Variants in SPATA21 observed in about 807,000 individuals in gnomAD.
The protein encoded by SPATA21 is spermatogenesis associated 21, also known as spermatogenesis-associated protein 21.
Under a neutral mutation model 54.8 loss-of-function variants are expected in SPATA21, and 47 were observed. That is an observed-to-expected ratio of 0.86 (90% CI 0.68 to 1.09). SPATA21 has a LOEUF of 1.09. Ranked by LOEUF, SPATA21 falls within the 50% of genes least tolerant of loss-of-function variation. The pLI is 0.00. For missense variants in SPATA21, 599 were observed against 596.4 expected (o/e 1.00, Z -0.05); for synonymous variants, 245 against 235.3 (o/e 1.04, Z -0.38).
intron 12 of SPATA21, 69 bp from the exon 13 acceptor site, chr1:16,398,891 C>T: frequency 6.6e-7 from 1 of 1,514,386 alleles, no homozygotes; most frequent in South Asian, 1.2e-5. Context: ...GTATATGAGC[C>T]ATCTGTGCGT....
intron 1 of SPATA21, among the ~76,000 whole-genome samples, chr1:16,436,783 T>TAA (rs1483202601): frequency 1.5e-5 from 2 of 136,956 alleles, no homozygotes; most frequent in African/African-American, 6.4e-5. Flanking sequence ...ATTACTAATG[T>TAA]AAACAAAAAA....
In SPATA21 at chr1:16,409,117, C is replaced by T. The variant is rs1259190293; in HGVS notation, c.673+1G>A. 1 of 1,614,132 alleles carries T rather than the reference C, an allele frequency of 6.2e-7. No individual in the cohort carries two copies. Among genetic ancestry groups the T allele is most frequent in the Non-Finnish European group, 8.5e-7 (1 of 1,179,988 alleles). Reference sequence around the variant, plus strand: ...GACCTCCCTGACCTCCCTGCCCTCACCTTCCTCTTGCTTCAGGGTCAGTTG... The same window carrying T: ...GACCTCCCTGACCTCCCTGCCCTCATCTTCCTCTTGCTTCAGGGTCAGTTG... On this transcript the variant is annotated splice_donor_variant, in intron 7 of 12. Transcript: ENST00000335496. LOFTEE classifies it high-confidence loss of function. This position sits in a 1 kb window ranked among gnomAD's most constrained non-coding sequence, Gnocchi z 4.1.
chr1:16,421,979 C>T lies in SPATA21; in HGVS notation c.35-8G>A. The T allele has an allele frequency of 6.2e-7, 1 of 1,614,202 alleles. No individual in the cohort carries two copies. Among genetic ancestry groups the T allele is most frequent in the Non-Finnish European group, 8.5e-7 (1 of 1,180,032 alleles). ...GGTTGACTGTCTTTTCCTCTGGAGC[C>T]ACGACGGACATTGGGGGCATTGCTT... On this transcript the variant is annotated splice_region_variant and splice_polypyrimidine_tract_variant and intron_variant, in intron 3 of 12. Coordinates refer to ENST00000335496, the MANE Select transcript of SPATA21 (RefSeq NM_198546.1). The surrounding 1 kb of genome is among the most constrained non-coding windows in gnomAD (Gnocchi z 5.2).
At chr1:16,414,450 CCA>C (rs769387656) in intron 5 of SPATA21, among the ~76,000 whole-genome samples, 5 of 152,166 alleles carry the variant, frequency 3.3e-5, no homozygotes, top group Non-Finnish European at 5.9e-5. Context: ...CATGAAATCC[CCA>C]GTTTCACAAC....
At chr1:16,436,815 C>T (rs2086598108) in intron 1 of SPATA21, among the ~76,000 whole-genome samples, 1 of 151,466 alleles carries the variant, frequency 6.6e-6, no homozygotes, top group African/African-American at 2.4e-5. Context: ...AAACAAAAAC[C>T]TTAGTCATGT....
chr1:16,406,836 A>C (rs2085657580), intron 7 of SPATA21, among the ~76,000 whole-genome samples: 1 of 152,214 alleles, frequency 6.6e-6, no homozygotes, highest in Admixed American at 6.5e-5. Flanking sequence ...GGACAGTGAG[A>C]AGACAGCTGT....
chr1:16,407,109 TA>T (rs2085667435), intron 7 of SPATA21, among the ~76,000 whole-genome samples: 1 of 152,192 alleles, frequency 6.6e-6, no homozygotes, highest in South Asian at 2.1e-4. Context: ...TGGCACACAA[TA>T]GCCTCTGTTA....
At chr1:16,434,311 A>G (rs1173991097) in intron 1 of SPATA21, among the ~76,000 whole-genome samples, 1 of 147,068 alleles carries the variant, frequency 6.8e-6, no homozygotes, top group African/African-American at 2.5e-5. Context: ...TTTGAGACAG[A>G]GTTTTGCTCT....
intron 5 of SPATA21, among the ~76,000 whole-genome samples, chr1:16,419,365 G>C (rs755914561): frequency 2.0e-5 from 3 of 152,162 alleles, no homozygotes; most frequent in Non-Finnish European, 4.4e-5. Flanking sequence ...AGAAGATGAG[G>C]CTTGGACTAG....
At chr1:16,417,276 T>C (rs1382874189) in intron 5 of SPATA21, among the ~76,000 whole-genome samples, 3 of 152,108 alleles carry the variant, frequency 2.0e-5, no homozygotes, top group African/African-American at 7.2e-5. Context: ...CTTTTTTCTT[T>C]TGAGACGGAG....
intron 1 of SPATA21, among the ~76,000 whole-genome samples, chr1:16,433,880 C>T (rs920112941): frequency 6.6e-6 from 1 of 152,148 alleles, no homozygotes; most frequent in African/African-American, 2.4e-5. Context: ...ATACAGTTCA[C>T]CCATTTAAAG....
At chr1:16,405,347 C>T (rs76344698) in intron 7 of SPATA21, among the ~76,000 whole-genome samples, 34 of 152,040 alleles carry the variant, frequency 2.2e-4, no homozygotes, top group Non-Finnish European at 2.2e-4. Flanking sequence ...ACTAAAGATA[C>T]AAAACTTAGC....
At position 16,416,490 on chromosome 1, in the gene SPATA21, C is replaced by T. The variant is rs573194600; in HGVS notation, c.144+5019G>A. Among the ~76,000 whole-genome samples the T allele has an allele frequency of 3.0e-4, 45 of 152,168 alleles. No individual in the cohort carries two copies. The South Asian group carries it at 9.2e-3, about 31-fold the overall frequency. ...GTCAGGAGTTCAAGACCAGCCTGGC[C>T]AACATGGCGAAACTCTGTCTCTATT... is the stretch of plus-strand genomic sequence containing the variant. On this transcript the variant is annotated intron_variant, in intron 5 of 12. Transcript: ENST00000335496.
At chr1:16,433,870 A>G (rs1192414447) in intron 1 of SPATA21, among the ~76,000 whole-genome samples, 1 of 152,146 alleles carries the variant, frequency 6.6e-6, no homozygotes, top group Admixed American at 6.5e-5. Context: ...CTCACATACC[A>G]TACAGTTCAC....
intron 5 of SPATA21, among the ~76,000 whole-genome samples, chr1:16,415,526 T>C (rs1379737729): frequency 6.6e-6 from 1 of 152,110 alleles, no homozygotes; most frequent in African/African-American, 2.4e-5. Context: ...CCAAGGTGGG[T>C]AGAAGTCTGT....
intron 5 of SPATA21, among the ~76,000 whole-genome samples, chr1:16,414,150 C>T (rs893610046): frequency 7.2e-5 from 11 of 151,992 alleles, no homozygotes; most frequent in Non-Finnish European, 5.9e-5. Flanking sequence ...ACTGCAACCT[C>T]CGCCTCCCGG....
intron 7 of SPATA21, among the ~76,000 whole-genome samples, chr1:16,405,556 G>A (rs541534003): frequency 2.0e-5 from 3 of 150,946 alleles, no homozygotes; most frequent in Non-Finnish European, 4.4e-5. Flanking sequence ...AGCTACTGGG[G>A]AGGCTCAGAC....
Position 16,421,672 on chromosome 1 carries a change from C to T in SPATA21, c.96-115G>A. 8.2e-7 allele frequency: 1 copy of T among 1,219,626 alleles called. No homozygotes were observed. The highest frequency in any genetic ancestry group is 1.4e-5 in the South Asian group (1 of 71,258). 75.6% of individuals were successfully genotyped at this position (1,219,626 alleles called of 1,614,324 possible). A position where few individuals can be genotyped will look rare whatever the true frequency, so the allele number is the denominator to read the frequency against. ...TTCCACCCCAGCCTCATCCCCTTGGCCTTCTCATCTCAGGGGGCTCCTTAT... is the reference window on the plus strand; with the variant it reads ...TTCCACCCCAGCCTCATCCCCTTGGTCTTCTCATCTCAGGGGGCTCCTTAT... On this transcript the variant is annotated intron_variant, in intron 4 of 12. Transcript: ENST00000335496. This position sits in a 1 kb window ranked among gnomAD's most constrained non-coding sequence, Gnocchi z 5.2.
At chr1:16,435,109 A>C (rs920430876) in intron 1 of SPATA21, among the ~76,000 whole-genome samples, 7 of 152,036 alleles carry the variant, frequency 4.6e-5, no homozygotes, top group Non-Finnish European at 1.0e-4. Context: ...CTCCCGCCTC[A>C]GCCTCCCAGT....
Sources: gnomAD v4.1 joint callset for allele counts (sites outside exome capture counted in the v4.1 genomes callset) on GRCh38, gnomAD v4.1.1 for gene constraint, Gnocchi (gnomAD v3.1) non-coding constraint, MANE v1.5 for transcripts, NCBI Gene and HGNC (gene_info 2026-07-23, HGNC 2026-07-21) for gene names.